Variants in SLC5A10 observed in about 807,000 individuals in gnomAD.
SLC5A10 encodes solute carrier family 5 member 10, also known as sodium/mannose cotransporter SLC5A10.
In SLC5A10, 55 loss-of-function variants were observed where a neutral mutation model predicts 68.9. The ratio of observed to expected loss-of-function variants is 0.80; its 90% CI spans 0.64 to 1.00. The LOEUF (loss-of-function observed/expected upper bound fraction) is 1.00, where lower values mean the gene tolerates loss of function less well. Among genes scored for constraint, SLC5A10 ranks in the 50% least tolerant of loss-of-function variants. SLC5A10 has a pLI of 0.00. For missense variants in SLC5A10, 732 were observed against 819.3 expected (o/e 0.89, Z 1.30); for synonymous variants, 344 against 344.8 (o/e 1.00, Z 0.02).
rs755266976 is a variant in SLC5A10 at position 18,978,899 on chromosome 17, CCG to C, written c.982+1912_982+1913del. 1.9e-4 allele frequency: 306 copies of C among 1,592,128 alleles called. No homozygotes were observed. In the Middle Eastern group the frequency reaches 2.6e-3, roughly 13 times the overall value. ...GGTCAGGCACATGACCCTGCTTCCT[CCG>C]CCCAGCCCCCGTGCACCCATAGCCG... On this transcript the variant is annotated intron_variant, in intron 9 of 14. Coordinates refer to ENST00000395645, the MANE Select transcript of SLC5A10 (RefSeq NM_001042450.4).
At chr17:18,984,372 C>T (rs1413687065) in intron 9 of SLC5A10, among the ~76,000 whole-genome samples, 1 of 150,754 alleles carries the variant, frequency 6.6e-6, no homozygotes, top group African/African-American at 2.5e-5. Context: ...CTGCCTTATA[C>T]CCTGAATCCA....
intron 8 of SLC5A10, among the ~76,000 whole-genome samples, chr17:18,972,818 G>A (rs1268652454): frequency 3.3e-5 from 5 of 151,346 alleles, no homozygotes; most frequent in African/African-American, 9.7e-5. Context: ...GCAGTGAGCC[G>A]AGATTGTGCC....
chr17:18,978,216 G>T (rs778916141), intron 9 of SLC5A10: 6 of 1,576,260 alleles, frequency 3.8e-6, no homozygotes, highest in Non-Finnish European at 4.3e-6. Context: ...ACACCGTCCT[G>T]GGGGGCACTG....
At chr17:18,994,070 G>A (rs534816315) in intron 9 of SLC5A10, among the ~76,000 whole-genome samples, 5 of 152,192 alleles carry the variant, frequency 3.3e-5, no homozygotes, top group Non-Finnish European at 7.3e-5. Context: ...TGTAAGTGAC[G>A]CATCAGGGCT....
intron 5 of SLC5A10, among the ~76,000 whole-genome samples, chr17:18,966,092 G>T (rs1325158058): frequency 2.0e-5 from 3 of 152,218 alleles, no homozygotes; most frequent in African/African-American, 7.2e-5. Context: ...AACCAGGGCC[G>T]TGAAGCACTG....
chr17:18,987,713 A>G lies in SLC5A10; in HGVS notation c.982+10724A>G, dbSNP rs554135264. On this transcript the variant is annotated intron_variant, in intron 9 of 14. Transcript: ENST00000395645. Reference sequence around the variant, plus strand: ...TTTCTCCTCTGCTCTTGTGCCTTAAATTCACTTCAACTGTGCAGCCATCGC... The same window carrying G: ...TTTCTCCTCTGCTCTTGTGCCTTAAGTTCACTTCAACTGTGCAGCCATCGC... Among the ~76,000 whole-genome samples the G allele has an allele frequency of 1.3e-3, 195 of 152,324 alleles. 1 individual carries two copies. The highest frequency in any genetic ancestry group is 4.0e-3 in the African/African-American group (168 of 41,572).
intron 5 of SLC5A10, among the ~76,000 whole-genome samples, chr17:18,967,146 C>T (rs956210723): frequency 1.1e-4 from 17 of 152,274 alleles, no homozygotes; most frequent in African/African-American, 4.1e-4. Context: ...AATTCCTCAC[C>T]CGGGGGCTGC....
chr17:18,983,500 G>A (rs1031509544), intron 9 of SLC5A10, among the ~76,000 whole-genome samples: 5 of 152,234 alleles, frequency 3.3e-5, no homozygotes, highest in Non-Finnish European at 5.9e-5. Flanking sequence ...AGTAGTTAGT[G>A]TGAATGAGTA....
intron 9 of SLC5A10, among the ~76,000 whole-genome samples, chr17:18,987,769 G>A (rs1269783743): frequency 6.6e-6 from 1 of 152,230 alleles, no homozygotes; most frequent in Non-Finnish European, 1.5e-5. Flanking sequence ...GCCTGAGGGA[G>A]CTTCCTCTGT....
At chr17:18,979,299 G>C (rs2043069460) in intron 9 of SLC5A10, 5 of 544,074 alleles carry the variant, frequency 9.2e-6, no homozygotes, top group Non-Finnish European at 1.6e-5. Flanking sequence ...GGCTTGCGAA[G>C]GCACGGCCTG....
chr17:19,013,818 G>A (rs1290307129), intron 10 of SLC5A10, among the ~76,000 whole-genome samples: 4 of 151,884 alleles, frequency 2.6e-5, no homozygotes, highest in Non-Finnish European at 2.9e-5. Flanking sequence ...AAGGGGACTC[G>A]CTAAGCCCTC....
At chr17:18,977,667 G>A (rs745395779) in intron 9 of SLC5A10, 3 of 1,610,432 alleles carry the variant, frequency 1.9e-6, no homozygotes, top group Non-Finnish European at 8.5e-7. Flanking sequence ...TGGGCCCATG[G>A]GGAGCCACCC....
At chr17:19,009,819 A>T (rs1489184477) in intron 9 of SLC5A10, among the ~76,000 whole-genome samples, 1 of 152,118 alleles carries the variant, frequency 6.6e-6, no homozygotes, top group African/African-American at 2.4e-5. Flanking sequence ...GAGGTCATAG[A>T]GTTATTGGTG....
Position 18,971,573 on chromosome 17 carries a change from C to T in SLC5A10, c.846+355C>T, listed in dbSNP as rs769798616. ...TGGGCTGCCGGGATCCGGAAGCAGG[C>T]GGGGTACCTGACCTCCCTTGGCCTG... On this transcript the variant is annotated intron_variant, in intron 8 of 14. Transcript: ENST00000395645. The surrounding 1 kb of genome is among the most constrained non-coding windows in gnomAD (Gnocchi z 5.5). The T allele has an allele frequency of 2.4e-5, 38 of 1,613,480 alleles. No individual in the cohort carries two copies. Among genetic ancestry groups the T allele is most frequent in the African/African-American group, 4.0e-5 (3 of 74,892 alleles).
chr17:18,962,814 T>TG (rs1216501393), intron 5 of SLC5A10, among the ~76,000 whole-genome samples: 1 of 152,136 alleles, frequency 6.6e-6, no homozygotes, highest in Non-Finnish European at 1.5e-5. Context: ...GACTGAGCCA[T>TG]GGGCACAGGG....
At chr17:18,958,438 G>A (rs1597813570) in intron 1 of SLC5A10, among the ~76,000 whole-genome samples, 3 of 152,284 alleles carry the variant, frequency 2.0e-5, no homozygotes, top group Admixed American at 2.0e-4. Flanking sequence ...CTCATCAGTC[G>A]ACAGAAATGT....
At chr17:18,965,631 C>T (rs527771913) in intron 5 of SLC5A10, among the ~76,000 whole-genome samples, 43 of 152,280 alleles carry the variant, frequency 2.8e-4, no homozygotes, top group African/African-American at 9.4e-4. Flanking sequence ...GTGCAGAGCC[C>T]GCCAGATCAG....
At position 18,959,225 on chromosome 17, in the gene SLC5A10, G is replaced by A. The variant is rs1325709840; in HGVS notation, c.274G>A (p.Gly92Ser). The change falls in exon 3 of 15, where the codon GGC becomes AGC. Residue 92 changes from glycine to serine, a missense_variant. Transcript: ENST00000395645. ...CGCGGCAGGAGGTCTGGCCGTGGCA[G>A]GCTTCGAGTGGAATGTGAGTCCTGG... ...SGAAGGLAVAGFEWNATYVLL... is the reference protein window; with the variant it reads ...SGAAGGLAVASFEWNATYVLL... 9 of 1,613,244 alleles carry A rather than the reference G, an allele frequency of 5.6e-6. No individual in the cohort carries two copies. The South Asian group carries it at 9.9e-5, about 18-fold the overall frequency.
intron 1 of SLC5A10, among the ~76,000 whole-genome samples, chr17:18,953,137 T>C: frequency 6.7e-6 from 1 of 149,862 alleles, no homozygotes; most frequent in Non-Finnish European, 1.5e-5. Flanking sequence ...TCTTTTTTTT[T>C]TTTTTTTTTT....
Sources: allele counts gnomAD v4.1 joint callset (sites outside exome capture counted in the v4.1 genomes callset), GRCh38; gene constraint gnomAD v4.1.1; non-coding constraint Gnocchi (gnomAD v3.1); transcripts MANE v1.5; gene names NCBI Gene and HGNC (gene_info 2026-07-23, HGNC 2026-07-21).